CAMTA1: variants seen among roughly 807,000 people sequenced by gnomAD.
CAMTA1 encodes the protein calmodulin binding transcription activator 1.
In CAMTA1, 27 loss-of-function variants were observed where a neutral mutation model predicts 170.9. The observed-to-expected ratio is 0.16, with a 90% confidence interval of 0.12 to 0.22. The LOEUF (loss-of-function observed/expected upper bound fraction) is 0.22, where lower values mean the gene tolerates loss of function less well. Ranked by LOEUF, CAMTA1 falls within the 10% of genes least tolerant of loss-of-function variation. The probability of loss-of-function intolerance (pLI) is 1.00; values close to 1 mark genes in which losing one functional copy is unlikely to be tolerated. For synonymous variants in CAMTA1, 833 were observed against 891.5 expected, an observed-to-expected ratio of 0.93 and a Z score of 1.17; for missense variants, 1,619 against 2,217.2, an observed-to-expected ratio of 0.73 and a Z score of 5.42.
chr1:6,794,145 A>G (rs988811277), intron 1 of CAMTA1, among the ~76,000 whole-genome samples: 13 of 152,230 alleles, frequency 8.5e-5, no homozygotes, highest in Admixed American at 6.5e-4. Context: ...ACGTATAAAG[A>G]ATGCTCCCCA....
At chr1:7,487,720 C>A (rs1191551192) in intron 6 of CAMTA1, among the ~76,000 whole-genome samples, 1 of 152,250 alleles carries the variant, frequency 6.6e-6, no homozygotes, top group Admixed American at 6.5e-5. Context: ...AGGGACAAGA[C>A]TGCAAGAAAC....
chr1:6,899,959 T>C (rs1676575682), intron 3 of CAMTA1, among the ~76,000 whole-genome samples: 1 of 152,264 alleles, frequency 6.6e-6, no homozygotes, highest in Non-Finnish European at 1.5e-5. Context: ...TGTTTGTTGC[T>C]GTTGGATTGT....
intron 5 of CAMTA1, among the ~76,000 whole-genome samples, chr1:7,374,630 C>G (rs1466656008): frequency 6.6e-6 from 1 of 152,222 alleles, no homozygotes; most frequent in African/African-American, 2.4e-5. Context: ...GGCTTCTAGC[C>G]TTACCTTTAC....
chr1:7,655,128 C>A (rs1446631514), intron 7 of CAMTA1, among the ~76,000 whole-genome samples: 10 of 88,138 alleles, frequency 1.1e-4, no homozygotes, highest in Non-Finnish European at 1.1e-4. Context: ...ACACACACCT[C>A]TATACACACA....
At chr1:7,403,942 C>T (rs1002214326) in intron 5 of CAMTA1, among the ~76,000 whole-genome samples, 2 of 152,160 alleles carry the variant, frequency 1.3e-5, no homozygotes, top group African/African-American at 2.4e-5. Flanking sequence ...AGTCCGGGCC[C>T]CTGACCCCTG....
intron 3 of CAMTA1, among the ~76,000 whole-genome samples, chr1:7,062,881 C>T (rs1180240290): frequency 3.9e-5 from 6 of 152,176 alleles, no homozygotes; most frequent in Non-Finnish European, 7.3e-5. Context: ...TTCACGCGGC[C>T]TCCCCCAACC....
At chr1:7,504,253 C>A (rs569811234) in intron 6 of CAMTA1, among the ~76,000 whole-genome samples, 1 of 152,222 alleles carries the variant, frequency 6.6e-6, no homozygotes. Context: ...GACAACCAGG[C>A]CATGCAGCCA....
At chr1:7,478,142 A>G (rs1244341399) in intron 6 of CAMTA1, among the ~76,000 whole-genome samples, 1 of 152,228 alleles carries the variant, frequency 6.6e-6, no homozygotes, top group Non-Finnish European at 1.5e-5. Context: ...TCACCCCACC[A>G]GGACCCTTTC....
chr1:7,269,181 A>G (rs80290461), intron 5 of CAMTA1, among the ~76,000 whole-genome samples: 1 of 152,218 alleles, frequency 6.6e-6, no homozygotes, highest in Non-Finnish European at 1.5e-5. Context: ...GCCAGGGCTG[A>G]GGTCTCATCT....
intron 6 of CAMTA1, among the ~76,000 whole-genome samples, chr1:7,539,353 T>C (rs1328584698): frequency 1.3e-5 from 2 of 152,258 alleles, no homozygotes; most frequent in African/African-American, 2.4e-5. Context: ...CCTTTTCTTA[T>C]GGTGTCTGCA....
At chr1:7,054,933 A>G (rs768680194) in intron 3 of CAMTA1, among the ~76,000 whole-genome samples, 1 of 152,200 alleles carries the variant, frequency 6.6e-6, no homozygotes, top group Non-Finnish European at 1.5e-5. Context: ...ACTTACAATC[A>G]TAGCAGAAGA....
At position 7,767,670 on chromosome 1, in the gene CAMTA1, G is replaced by A. The variant is rs2097031277; in HGVS notation, c.*1179G>A. ...TGTGGATGTACTGTTTGTATATATT[G>A]TATATATTAAAACAGAGATATGTGC... On this transcript the variant is annotated 3_prime_UTR_variant, in exon 23 of 23. Transcript: ENST00000303635. 6.6e-6 allele frequency: 1 copy of A among 151,628 alleles called. No individual in the cohort carries two copies. Among genetic ancestry groups the A allele is most frequent in the African/African-American group, 2.4e-5 (1 of 41,334 alleles). 9.4% of individuals were successfully genotyped at this position (151,628 alleles called of 1,614,324 possible).
chr1:7,622,177 T>C (rs12139380), intron 6 of CAMTA1, among the ~76,000 whole-genome samples: 34,285 of 152,196 alleles, frequency 0.23, 5,499 homozygotes, highest in African/African-American at 0.46. Flanking sequence ...GCTGGGAACT[T>C]GTTGGGTGCC....
At chr1:7,733,667 G>A (rs953462299) in intron 12 of CAMTA1, among the ~76,000 whole-genome samples, 12 of 112,120 alleles carry the variant, frequency 1.1e-4, no homozygotes, top group Admixed American at 4.2e-4. Flanking sequence ...CTACTCAGTC[G>A]TTGCAAAAAA....
chr1:7,670,462 G>C (rs1576730436), intron 9 of CAMTA1, among the ~76,000 whole-genome samples: 1 of 152,208 alleles, frequency 6.6e-6, no homozygotes, highest in Non-Finnish European at 1.5e-5. Context: ...CTGACACGGA[G>C]ATGCTCAGGC....
At chr1:7,483,236 G>A (rs57961174) in intron 6 of CAMTA1, among the ~76,000 whole-genome samples, 24,865 of 152,198 alleles carry the variant, frequency 0.16, 3,408 homozygotes, top group East Asian at 0.42. Flanking sequence ...CAGTCAGACC[G>A]GAGGAAGAGA....
At chr1:6,822,277 G>A (rs772852986) in intron 2 of CAMTA1, among the ~76,000 whole-genome samples, 11 of 152,068 alleles carry the variant, frequency 7.2e-5, no homozygotes, top group Non-Finnish European at 1.6e-4. Flanking sequence ...ACATTAAAAA[G>A]CAGATTTTAA....
At chr1:7,180,295 A>T (rs893193819) in intron 4 of CAMTA1, among the ~76,000 whole-genome samples, 3 of 151,968 alleles carry the variant, frequency 2.0e-5, no homozygotes, top group Non-Finnish European at 4.4e-5. Context: ...TGAACTCGGG[A>T]GGCAGTGAGC....
chr1:7,514,973 T>A (rs1201767433), intron 6 of CAMTA1, among the ~76,000 whole-genome samples: 1 of 152,124 alleles, frequency 6.6e-6, no homozygotes, highest in African/African-American at 2.4e-5. Flanking sequence ...CCTCCTGGGC[T>A]CCCTCCACCC....
Sources: allele counts gnomAD v4.1 joint callset (sites outside exome capture counted in the v4.1 genomes callset), GRCh38; gene constraint gnomAD v4.1.1; transcripts MANE v1.5; gene names NCBI Gene and HGNC (gene_info 2026-07-23, HGNC 2026-07-21).